SPATA16: variants seen among roughly 807,000 people sequenced by gnomAD.
SPATA16 encodes spermatogenesis associated 16.
SPATA16 carries 36 observed loss-of-function variants against 63.3 expected under a neutral mutation model. The observed-to-expected ratio is 0.57, with a 90% CI of 0.44 to 0.75. The LOEUF (loss-of-function observed/expected upper bound fraction) is 0.75. Among genes scored for constraint, SPATA16 ranks in the 30% least tolerant of loss-of-function variants. The pLI is 0.00. For missense variants in SPATA16, 646 were observed against 679.3 expected (o/e 0.95, Z 0.54); for synonymous variants, 203 against 216.7 (o/e 0.94, Z 0.56).
intron 5 of SPATA16, among the ~76,000 whole-genome samples, chr3:172,960,192 A>G (rs1295038284): frequency 6.6e-6 from 1 of 152,222 alleles, no homozygotes; most frequent in Non-Finnish European, 1.5e-5. Context: ...AAAATAAGCT[A>G]TACTAAAAAT....
At chr3:172,938,259 A>G (rs1449074438) in intron 6 of SPATA16, among the ~76,000 whole-genome samples, 1 of 152,200 alleles carries the variant, frequency 6.6e-6, no homozygotes, top group Non-Finnish European at 1.5e-5. Flanking sequence ...GGTAAAAGGG[A>G]GAGGCGAAGG....
chr3:173,126,711 A>G (rs946844509), intron 1 of SPATA16, among the ~76,000 whole-genome samples: 1 of 152,228 alleles, frequency 6.6e-6, no homozygotes, highest in Non-Finnish European at 1.5e-5. Context: ...TTTATTTTGC[A>G]GAAGAAGTAA....
chr3:173,112,165 A>G (rs1577180386), intron 2 of SPATA16, among the ~76,000 whole-genome samples: 2 of 152,238 alleles, frequency 1.3e-5, no homozygotes, highest in East Asian at 3.8e-4. Context: ...TGGATCCTTG[A>G]AATGCAAAAA....
intron 6 of SPATA16, among the ~76,000 whole-genome samples, chr3:172,943,706 C>T (rs1401484428): frequency 6.6e-6 from 1 of 152,162 alleles, no homozygotes; most frequent in Non-Finnish European, 1.5e-5. Context: ...CGCCATTGCA[C>T]TCCAGCCTGG....
intron 2 of SPATA16, 29 bp from the exon 3 acceptor site, chr3:173,049,123 TTAA>T: frequency 1.3e-6 from 2 of 1,578,422 alleles, no homozygotes; most frequent in Non-Finnish European, 8.6e-7. Context: ...TTTCAACATC[TTAA>T]TAATCTTTCA....
At chr3:173,035,467 T>A (rs184177895) in intron 3 of SPATA16, among the ~76,000 whole-genome samples, 2 of 152,208 alleles carry the variant, frequency 1.3e-5, no homozygotes, top group Non-Finnish European at 2.9e-5. Flanking sequence ...GTAAGCCATA[T>A]TAACAACCGC....
chr3:173,019,602 T>C (rs1170457267), intron 3 of SPATA16, 27 bp from the exon 4 acceptor site: 2 of 1,603,944 alleles, frequency 1.2e-6, no homozygotes, highest in African/African-American at 1.3e-5. Flanking sequence ...GAAATGCAAA[T>C]GTTATTTGGG....
intron 2 of SPATA16, 145 bp from the exon 3 acceptor site, chr3:173,049,239 G>T: frequency 1.3e-6 from 1 of 773,702 alleles, no homozygotes; most frequent in East Asian, 2.8e-5. Flanking sequence ...AAGTATATAT[G>T]ATGCTTTTTC....
At chr3:172,916,120 T>A (rs1402289440) in intron 9 of SPATA16, among the ~76,000 whole-genome samples, 197 bp downstream of exon 9, 1 of 152,198 alleles carries the variant, frequency 6.6e-6, no homozygotes, top group Non-Finnish European at 1.5e-5. Context: ...AGCTAGTTAA[T>A]GTGAGCAAAT....
intron 1 of SPATA16, among the ~76,000 whole-genome samples, chr3:173,127,621 G>T (rs116757476): frequency 6.6e-6 from 1 of 152,318 alleles, no homozygotes; most frequent in Non-Finnish European, 1.5e-5. Flanking sequence ...ACTTCTTCAT[G>T]ATTAGATTCA....
chr3:172,959,967 ATAAT>A (rs1158542446), intron 5 of SPATA16, among the ~76,000 whole-genome samples: 1 of 151,510 alleles, frequency 6.6e-6, no homozygotes, highest in Non-Finnish European at 1.5e-5. Flanking sequence ...TGTGATGATA[ATAAT>A]TTGGCAATTT....
intron 1 of SPATA16, among the ~76,000 whole-genome samples, chr3:173,122,732 T>A (rs772979494): frequency 5.9e-5 from 9 of 152,020 alleles, no homozygotes; most frequent in Non-Finnish European, 1.3e-4. Flanking sequence ...GAGACAGGGG[T>A]CTTGGCATTG....
chr3:172,925,635 A>G (rs1732713109), intron 6 of SPATA16, 143 bp from the exon 7 acceptor site: 2 of 965,924 alleles, frequency 2.1e-6, no homozygotes, highest in Non-Finnish European at 3.2e-6. Context: ...TATGTGTATC[A>G]AAAGGTCAAA....
chr3:173,083,872 C>A (rs1343349170), intron 2 of SPATA16, among the ~76,000 whole-genome samples: 2 of 152,132 alleles, frequency 1.3e-5, no homozygotes, highest in African/African-American at 2.4e-5. Flanking sequence ...ACCACATTTT[C>A]TTTATCCAGT....
chr3:173,122,180 GT>G (rs140467388), intron 1 of SPATA16, among the ~76,000 whole-genome samples: 2 of 151,440 alleles, frequency 1.3e-5, no homozygotes, highest in South Asian at 2.1e-4. Context: ...AATCGCCAAG[GT>G]TTTTTTTTAA....
intron 5 of SPATA16, among the ~76,000 whole-genome samples, chr3:172,967,294 T>G (rs1038781354): frequency 6.6e-6 from 1 of 152,002 alleles, no homozygotes; most frequent in Admixed American, 6.6e-5. Context: ...GCAAAAAAAG[T>G]AAAGAAAAAG....
At chr3:173,141,006 A>C (rs962182320) in intron 1 of SPATA16, 97 bp downstream of exon 1, 2 of 152,118 alleles carry the variant, frequency 1.3e-5, no homozygotes, top group African/African-American at 4.8e-5. Context: ...TTCCCAGCTT[A>C]CTCCATCTTC....
rs571142880 is a variant in SPATA16, at chr3:173,033,127, G to C, written c.759-13552C>G. 2.0e-5 allele frequency among the ~76,000 whole-genome samples: 3 copies of C among 152,276 alleles called. No homozygotes were observed. The South Asian group carries it at 6.2e-4, about 32-fold the overall frequency. On this transcript the variant is annotated intron_variant, in intron 3 of 10. Coordinates refer to ENST00000351008, the MANE Select transcript of SPATA16 (RefSeq NM_031955.6). ...CAGTTAATGTAATAATATCAGCGTA[G>C]AGATAGATAAGTAGGGCATTTGAAA...
At chr3:172,919,036 C>G (rs4894437) in intron 8 of SPATA16, among the ~76,000 whole-genome samples, 70,914 of 152,056 alleles carry the variant, frequency 0.47, 19,317 homozygotes, top group South Asian at 0.67. Flanking sequence ...TTCAAATGTG[C>G]ATATGTAAAC....
Sources: allele counts gnomAD v4.1 joint callset (sites outside exome capture counted in the v4.1 genomes callset), GRCh38; gene constraint gnomAD v4.1.1; transcripts MANE v1.5; gene names NCBI Gene and HGNC (gene_info 2026-07-23, HGNC 2026-07-21).